The following RPS6KC1 variants were observed in gnomAD, a reference collection of about 807,000 sequenced individuals.
RPS6KC1 encodes ribosomal protein S6 kinase C1.
RPS6KC1 carries 54 observed loss-of-function variants against 103.8 expected under a neutral mutation model. The observed-to-expected ratio is 0.52, with a 90% CI of 0.42 to 0.65. RPS6KC1 has a LOEUF of 0.65. RPS6KC1 is among the 30% of genes least tolerant of loss of function. RPS6KC1 has a pLI of 0.00. For synonymous variants in RPS6KC1, 439 were observed against 438.7 expected, an observed-to-expected ratio of 1.00 and a Z score of -0.01; for missense variants, 1,151 against 1,253.8, an observed-to-expected ratio of 0.92 and a Z score of 1.24.
intron 5 of RPS6KC1, among the ~76,000 whole-genome samples, chr1:213,129,083 C>T (rs757417112): frequency 1.6e-4 from 25 of 151,962 alleles, no homozygotes; most frequent in Non-Finnish European, 2.5e-4. Context: ...CTTGAGCCCA[C>T]GAGTTGGAGT....
chr1:213,737,110 T>C, the RPS6KC1 span, among the ~76,000 whole-genome samples: 1 of 152,198 alleles, frequency 6.6e-6, no homozygotes, highest in African/African-American at 2.4e-5. Flanking sequence ...TGGCCACAGG[T>C]TGATACCTTA....
chr1:213,587,126 A>G, the RPS6KC1 span, among the ~76,000 whole-genome samples: 1 of 152,104 alleles, frequency 6.6e-6, no homozygotes, highest in Non-Finnish European at 1.5e-5. Flanking sequence ...TTTTACCTTT[A>G]TGCTTTCCAG....
the RPS6KC1 span, among the ~76,000 whole-genome samples, chr1:213,632,935 AG>A: frequency 1.3e-5 from 2 of 152,244 alleles, no homozygotes; most frequent in African/African-American, 4.8e-5. Flanking sequence ...AACAAGTGGA[AG>A]AAAGGGTATC....
At chr1:213,153,283 A>T (rs910817897) in intron 6 of RPS6KC1, among the ~76,000 whole-genome samples, 1 of 149,262 alleles carries the variant, frequency 6.7e-6, no homozygotes, top group Non-Finnish European at 1.5e-5. Flanking sequence ...AGGCAAAGGC[A>T]GGCGCAGAGG....
chr1:213,063,371 C>G (rs1299399623), intron 1 of RPS6KC1, among the ~76,000 whole-genome samples: 1 of 152,202 alleles, frequency 6.6e-6, no homozygotes, highest in Non-Finnish European at 1.5e-5. Context: ...GTTGTGAGAT[C>G]TGGTCCTGCC....
rs182943145 is a variant in RPS6KC1 at position 213,082,327 on chromosome 1, C to T, written c.262+4511C>T. ...GTGCCTGTAGTCCCAACTACTCAGGCGGCTGAGGCAGGAGAATGGCATGAA... is the reference window on the plus strand; with the variant it reads ...GTGCCTGTAGTCCCAACTACTCAGGTGGCTGAGGCAGGAGAATGGCATGAA... On this transcript the variant is annotated intron_variant, in intron 3 of 14. Transcript: ENST00000366960. 2.2e-3 allele frequency among the ~76,000 whole-genome samples: 331 copies of T among 151,918 alleles called. 2 individuals carry two copies. The highest frequency in any genetic ancestry group is 7.7e-3 in the African/African-American group (319 of 41,458).
chr1:213,384,292 A>G, the RPS6KC1 span, among the ~76,000 whole-genome samples: 3 of 151,670 alleles, frequency 2.0e-5, no homozygotes. Context: ...AAATATATAT[A>G]TATATATAAA....
the RPS6KC1 span, among the ~76,000 whole-genome samples, chr1:213,373,557 C>T: frequency 6.6e-6 from 1 of 152,060 alleles, no homozygotes; most frequent in African/African-American, 2.4e-5. Context: ...CCATAAGTAA[C>T]CTATGCTGCC....
At chr1:213,752,464 T>C in the RPS6KC1 span, among the ~76,000 whole-genome samples, 36,028 of 152,082 alleles carry the variant, frequency 0.24, 4,633 homozygotes, top group Middle Eastern at 0.37. Context: ...AACCTAGTCA[T>C]AAACTAACTT....
chr1:213,824,275 G>A, the RPS6KC1 span, among the ~76,000 whole-genome samples: 4 of 152,290 alleles, frequency 2.6e-5, no homozygotes, highest in African/African-American at 9.6e-5. Context: ...AGCTGGCCCT[G>A]TTTCCCAGCC....
At chr1:213,315,006 G>A in the RPS6KC1 span, among the ~76,000 whole-genome samples, 1 of 151,990 alleles carries the variant, frequency 6.6e-6, no homozygotes, top group African/African-American at 2.4e-5. Context: ...ATTACTATTC[G>A]AGCCCCGTAA....
intron 3 of RPS6KC1, among the ~76,000 whole-genome samples, chr1:213,102,285 G>A (rs1052718281): frequency 5.9e-5 from 9 of 152,092 alleles, no homozygotes; most frequent in African/African-American, 1.9e-4. Flanking sequence ...ATGTAGTCTC[G>A]CTATGTTGCC....
intron 14 of RPS6KC1, among the ~76,000 whole-genome samples, chr1:213,265,030 G>A (rs138579538): frequency 1.3e-5 from 2 of 152,278 alleles, no homozygotes; most frequent in Admixed American, 1.3e-4. Flanking sequence ...CAGTTGCTTG[G>A]TCAGTTTTAA....
chr1:213,101,021 G>A (rs1259464799), intron 3 of RPS6KC1, among the ~76,000 whole-genome samples: 2 of 152,126 alleles, frequency 1.3e-5, no homozygotes, highest in Non-Finnish European at 2.9e-5. Context: ...TTCCACAGGG[G>A]CTGAACTAAT....
chr1:213,401,664 C>A, the RPS6KC1 span, among the ~76,000 whole-genome samples: 1 of 152,208 alleles, frequency 6.6e-6, no homozygotes, highest in Non-Finnish European at 1.5e-5. Context: ...CACCTCCTTC[C>A]TTGGGCCTTC....
chr1:213,172,317 A>G (rs1455772518), intron 7 of RPS6KC1, among the ~76,000 whole-genome samples: 1 of 152,140 alleles, frequency 6.6e-6, no homozygotes, highest in Non-Finnish European at 1.5e-5. Context: ...AAGCCTTTTA[A>G]AGAATGTACA....
intron 7 of RPS6KC1, among the ~76,000 whole-genome samples, chr1:213,168,380 G>C (rs1156669429): frequency 2.0e-5 from 3 of 152,092 alleles, no homozygotes; most frequent in African/African-American, 7.2e-5. Flanking sequence ...TGGTCACCTG[G>C]AATTATAAAA....
the RPS6KC1 span, among the ~76,000 whole-genome samples, chr1:213,633,246 T>G: frequency 6.6e-6 from 1 of 151,978 alleles, no homozygotes; most frequent in South Asian, 2.1e-4. Context: ...CACAAAATTG[T>G]CAGATTCACC....
At chr1:213,836,387 A>G in the RPS6KC1 span, among the ~76,000 whole-genome samples, 1 of 152,146 alleles carries the variant, frequency 6.6e-6, no homozygotes, top group African/African-American at 2.4e-5. Context: ...TATCTATGTG[A>G]AAATGTTGAA....
Sources: allele counts gnomAD v4.1 joint callset (sites outside exome capture counted in the v4.1 genomes callset), GRCh38; gene constraint gnomAD v4.1.1; transcripts MANE v1.5; gene names NCBI Gene and HGNC (gene_info 2026-07-23, HGNC 2026-07-21).